The following SEPTIN14 variants were observed in gnomAD, a reference collection of about 807,000 sequenced individuals.
SEPTIN14 encodes septin-14.
A neutral mutation model predicts 53.6 loss-of-function variants in SEPTIN14; 40 were observed. That is an observed-to-expected ratio of 0.75 (90% confidence interval 0.58 to 0.97). The LOEUF is 0.97. SEPTIN14 is among the 50% of genes least tolerant of loss of function. The pLI, the probability that SEPTIN14 is intolerant of heterozygous loss-of-function variation, is 0.00. For missense variants in SEPTIN14, 471 were observed against 508.2 expected, an observed-to-expected ratio of 0.93 and a Z score of 0.70; for synonymous variants, 138 against 166.8, an observed-to-expected ratio of 0.83 and a Z score of 1.33.
intron 6 of SEPTIN14, among the ~76,000 whole-genome samples, chr7:55,829,680 G>A (rs1358086134): frequency 6.6e-6 from 1 of 151,794 alleles, no homozygotes; most frequent in Non-Finnish European, 1.5e-5. Flanking sequence ...CAGCTTGGAG[G>A]CAGTGAATAA....
chr7:55,819,927 T>C (rs1788864119), intron 6 of SEPTIN14, among the ~76,000 whole-genome samples: 1 of 151,776 alleles, frequency 6.6e-6, no homozygotes, highest in Non-Finnish European at 1.5e-5. Context: ...TAAAAACAAC[T>C]ACAACTATTA....
Position 55,853,425 on chromosome 7 carries a change from T to G in SEPTIN14, c.55-6788A>C, listed in dbSNP as rs148344174. ...TATGTTAAGTGAAATAAGCAAGTCA[T>G]GGAAAGACAAACTTCACATGTTCTC... On this transcript the variant is annotated intron_variant, in intron 2 of 9. Coordinates refer to ENST00000388975, the MANE Select transcript of SEPTIN14 (RefSeq NM_207366.3). 2.8e-3 allele frequency among the ~76,000 whole-genome samples: 425 copies of G among 152,302 alleles called. 5 individuals are homozygous for G. Among genetic ancestry groups the G allele is most frequent in the Middle Eastern group, 0.01 (3 of 294 alleles).
At chr7:55,857,882 C>T (rs1466344221) in intron 2 of SEPTIN14, among the ~76,000 whole-genome samples, 1 of 151,056 alleles carries the variant, frequency 6.6e-6, no homozygotes, top group Non-Finnish European at 1.5e-5. Flanking sequence ...CCACCGCGCC[C>T]GGCCACCTGT....
At chr7:55,844,428 A>T in intron 4 of SEPTIN14, 95 bp downstream of exon 4, 1 of 544,704 alleles carries the variant, frequency 1.8e-6, no homozygotes, top group Non-Finnish European at 3.2e-6. Context: ...AATCTGGAAG[A>T]AAAGGTATTA....
At chr7:55,800,942 C>T (rs1156492875) in intron 9 of SEPTIN14, among the ~76,000 whole-genome samples, 1 of 151,546 alleles carries the variant, frequency 6.6e-6, no homozygotes, top group Non-Finnish European at 1.5e-5. Flanking sequence ...TCTATCGTAC[C>T]CCATAAATAT....
rs1788871770 is a variant in SEPTIN14, at chr7:55,820,431, T to TC, written c.721-1209dup. On this transcript the variant is annotated intron_variant, in intron 6 of 9. Coordinates refer to ENST00000388975, the MANE Select transcript of SEPTIN14 (RefSeq NM_207366.3). ...ATGGAAGACATGGAATTAACAGTTA[T>TC]CAGTTACAGTTACCTGTTACATTCT... Among the ~76,000 whole-genome samples the TC allele has an allele frequency of 2.0e-5, 3 of 152,236 alleles. No individual in the cohort carries two copies. In the South Asian group the frequency reaches 6.2e-4, roughly 32 times the overall value.
chr7:55,817,266 G>T (rs1376203896), intron 7 of SEPTIN14, among the ~76,000 whole-genome samples: 3 of 151,894 alleles, frequency 2.0e-5, no homozygotes, highest in Non-Finnish European at 4.4e-5. Flanking sequence ...AAAGACAAAT[G>T]GTAAATGATC....
chr7:55,849,123 G>C (rs990907868), intron 2 of SEPTIN14, among the ~76,000 whole-genome samples: 1 of 151,802 alleles, frequency 6.6e-6, no homozygotes, highest in African/African-American at 2.4e-5. Context: ...TTAGGAGTTC[G>C]AGACCAGCCT....
intron 6 of SEPTIN14, among the ~76,000 whole-genome samples, chr7:55,828,557 G>T (rs1045462222): frequency 2.0e-5 from 3 of 152,054 alleles, no homozygotes. Context: ...GCCCATCTCG[G>T]CCTCCCAAAG....
chr7:55,807,006 T>G, intron 8 of SEPTIN14, 84 bp downstream of exon 8: 2 of 957,108 alleles, frequency 2.1e-6, no homozygotes, highest in Non-Finnish European at 3.0e-6. Context: ...AGTATAATTA[T>G]TCTCATATCC....
chr7:55,801,253 CTAAG>C (rs995119113), intron 9 of SEPTIN14, among the ~76,000 whole-genome samples: 11 of 151,586 alleles, frequency 7.3e-5, no homozygotes, highest in African/African-American at 1.9e-4. Flanking sequence ...AATCAATGAA[CTAAG>C]TGTTTTTTAA....
intron 9 of SEPTIN14, chr7:55,798,119 C>A: frequency 5.2e-6 from 1 of 193,232 alleles, no homozygotes; most frequent in South Asian, 1.1e-4. Flanking sequence ...AACGTGGAAC[C>A]TCGCTCTTTG....
chr7:55,833,373 C>G (rs961786562), intron 6 of SEPTIN14, among the ~76,000 whole-genome samples: 1 of 150,650 alleles, frequency 6.6e-6, no homozygotes, highest in African/African-American at 2.4e-5. Context: ...CACACACACA[C>G]AAATAGCAGA....
intron 6 of SEPTIN14, among the ~76,000 whole-genome samples, chr7:55,826,590 G>A (rs964798081): frequency 6.6e-6 from 1 of 152,164 alleles, no homozygotes; most frequent in Non-Finnish European, 1.5e-5. Flanking sequence ...CTGAGGTCAG[G>A]AGTTCAAGAC....
chr7:55,805,247 T>C lies in SEPTIN14; in HGVS notation c.1119+11A>G, dbSNP rs571547903. ...AATTAATACAAATTATATCAAACTG[T>C]CAGTACTAACCTCTTTTTCAGCTTC... On this transcript the variant is annotated intron_variant, in intron 9 of 9. Coordinates refer to ENST00000388975, the MANE Select transcript of SEPTIN14 (RefSeq NM_207366.3). 5.0e-6 allele frequency: 8 copies of C among 1,605,088 alleles called. No homozygotes were observed. In the Admixed American group the frequency reaches 1.0e-4, roughly 21 times the overall value.
chr7:55,806,878 T>A (rs1463011154), intron 8 of SEPTIN14, among the ~76,000 whole-genome samples: 4 of 152,204 alleles, frequency 2.6e-5, no homozygotes, highest in Non-Finnish European at 5.9e-5. Flanking sequence ...AATACACATA[T>A]TTCAGCATAA....
chr7:55,828,052 C>A (rs1265818948), intron 6 of SEPTIN14, among the ~76,000 whole-genome samples: 4 of 150,502 alleles, frequency 2.7e-5, no homozygotes, highest in Non-Finnish European at 4.4e-5. Flanking sequence ...AATGTTTTGA[C>A]ACTACCAAAG....
At chr7:55,831,149 C>A (rs559721434) in intron 6 of SEPTIN14, among the ~76,000 whole-genome samples, 72 of 152,118 alleles carry the variant, frequency 4.7e-4, no homozygotes, top group South Asian at 4.6e-3. Flanking sequence ...CATCATGTGT[C>A]TGACTTCAAA....
At chr7:55,862,076 AT>A in intron 1 of SEPTIN14, 65 bp from the exon 2 acceptor site, 2 of 953,592 alleles carry the variant, frequency 2.1e-6, no homozygotes, top group Non-Finnish European at 3.1e-6. Context: ...TTACTATATA[AT>A]TTAGATAATT....
Sources: allele counts gnomAD v4.1 joint callset (sites outside exome capture counted in the v4.1 genomes callset), GRCh38; gene constraint gnomAD v4.1.1; transcripts MANE v1.5; gene names NCBI Gene and HGNC (gene_info 2026-07-23, HGNC 2026-07-21).